VPS13D: variants seen among roughly 807,000 people sequenced by gnomAD.
The protein encoded by VPS13D is intermembrane lipid transfer protein VPS13D.
VPS13D carries 187 observed loss-of-function variants against 461.9 expected under a neutral mutation model. That is an observed-to-expected ratio of 0.40 (90% confidence interval 0.36 to 0.46). VPS13D has a LOEUF of 0.46. Among genes scored for constraint, VPS13D ranks in the 20% least tolerant of loss-of-function variants. VPS13D has a pLI of 0.60. For missense variants in VPS13D, 4,711 were observed against 5,364.9 expected, an observed-to-expected ratio of 0.88 and a Z score of 3.81; for synonymous variants, 1,951 against 1,986.3, an observed-to-expected ratio of 0.98 and a Z score of 0.47.
intron 65 of VPS13D, among the ~76,000 whole-genome samples, chr1:12,445,932 C>G (rs1056029760): frequency 6.6e-6 from 1 of 152,204 alleles, no homozygotes; most frequent in Non-Finnish European, 1.5e-5. Context: ...ATACATGACA[C>G]TTGTGTATAA....
chr1:12,297,959 A>G (rs1457477074), intron 24 of VPS13D, among the ~76,000 whole-genome samples: 3 of 152,226 alleles, frequency 2.0e-5, no homozygotes, highest in South Asian at 2.1e-4. Context: ...TTCCATTAAC[A>G]TATAACTGAA....
chr1:12,323,825 A>C, intron 35 of VPS13D, 45 bp downstream of exon 35: 1 of 1,585,404 alleles, frequency 6.3e-7, no homozygotes, highest in Non-Finnish European at 8.7e-7. Flanking sequence ...TCTTGATGAT[A>C]TGCTTCCTTC....
chr1:12,368,734 G>A (rs1288462853), intron 53 of VPS13D, 143 bp downstream of exon 53: 1 of 1,068,892 alleles, frequency 9.4e-7, no homozygotes, highest in African/African-American at 1.6e-5. Context: ...ATCTGGACAA[G>A]CCTAGAAATC....
chr1:12,483,668 C>T (rs1645754748), intron 67 of VPS13D, among the ~76,000 whole-genome samples: 1 of 152,180 alleles, frequency 6.6e-6, no homozygotes, highest in African/African-American at 2.4e-5. Context: ...AAGACCATCA[C>T]TGTGCCTACA....
rs75131903 is a variant in VPS13D, at chr1:12,482,363, C to T, written c.12663-15137C>T. On this transcript the variant is annotated intron_variant, in intron 67 of 69. Coordinates refer to ENST00000620676, the MANE Select transcript of VPS13D (RefSeq NM_015378.4). ...GTCTGCACCCAGCCTGTGCTGTATGCGGTATATGATGGTAGAAATTTGCAC... is the reference window on the plus strand; with the variant it reads ...GTCTGCACCCAGCCTGTGCTGTATGTGGTATATGATGGTAGAAATTTGCAC... Among the ~76,000 whole-genome samples, 154 of 152,274 alleles carry T rather than the reference C, an allele frequency of 1.0e-3. 1 individual carries two copies. The highest frequency in any genetic ancestry group is 3.6e-3 in the African/African-American group (148 of 41,546).
At chr1:12,257,177 C>A in intron 9 of VPS13D, 90 bp downstream of exon 9, 1 of 1,165,848 alleles carries the variant, frequency 8.6e-7, no homozygotes, top group Non-Finnish European at 1.3e-6. Context: ...CTGTCCTTTA[C>A]CCATGTTTGG....
intron 40 of VPS13D, among the ~76,000 whole-genome samples, chr1:12,340,478 G>A (rs1643544662): frequency 6.6e-6 from 1 of 152,138 alleles, no homozygotes; most frequent in African/African-American, 2.4e-5. Flanking sequence ...GAGAAAAAAG[G>A]GAGTGATTGC....
chr1:12,469,435 A>G (rs1208137401), intron 67 of VPS13D, among the ~76,000 whole-genome samples: 1 of 152,232 alleles, frequency 6.6e-6, no homozygotes, highest in Non-Finnish European at 1.5e-5. Context: ...AGCAAGACTT[A>G]AGAGATTTAC....
In VPS13D at chr1:12,283,233, C is replaced by T; in HGVS notation, c.5131C>T (p.Pro1711Ser). 1 of 1,614,118 alleles carries T rather than the reference C, an allele frequency of 6.2e-7. No homozygotes were observed. ...AQKEYLSQSC[P>S]SVSNVEYPDM... is the part of the protein sequence containing the mutation. ...AAAAGAATACCTTTCTCAGTCTTGC[C>T]CCTCAGTGTCCAATGTGGAATATCC... Residue 1711 changes from proline to serine, a missense_variant, in exon 21 of 70, where the codon CCC (proline) becomes TCC (serine). This residue lies in a region of VPS13D where 4,411 missense variants were observed against 4,937.8 expected (regional missense o/e 0.89). Transcript: ENST00000620676.
chr1:12,503,804 CG>C (rs1277175607), intron 68 of VPS13D, among the ~76,000 whole-genome samples: 1 of 152,064 alleles, frequency 6.6e-6, no homozygotes, highest in African/African-American at 2.4e-5. Flanking sequence ...GCAGGCCTTG[CG>C]GGAAGCTTGA....
chr1:12,348,383 G>A (rs552103819), intron 44 of VPS13D, among the ~76,000 whole-genome samples: 12 of 152,318 alleles, frequency 7.9e-5, no homozygotes, highest in Non-Finnish European at 1.5e-4. Flanking sequence ...CCTGCCAGTA[G>A]AGTAGAAGAC....
At chr1:12,465,233 G>C (rs1359952261) in intron 67 of VPS13D, 2 of 152,182 alleles carry the variant, frequency 1.3e-5, no homozygotes, top group Admixed American at 1.3e-4. Flanking sequence ...TGCAGACTGG[G>C]GTGCATGACA....
chr1:12,495,083 A>G lies in VPS13D; in HGVS notation c.12663-2417A>G, dbSNP rs558842931. On this transcript the variant is annotated intron_variant, in intron 67 of 69. Coordinates refer to ENST00000620676, the MANE Select transcript of VPS13D (RefSeq NM_015378.4). The surrounding 1 kb of genome is among the most constrained non-coding windows in gnomAD (Gnocchi z 4.0). ...ACATGGGAGCCAAGCAGTAAATAAC[A>G]TGTTTATCCACCTGGGATGGAAAGC... 1.3e-5 allele frequency among the ~76,000 whole-genome samples: 2 copies of G among 151,842 alleles called. No homozygotes were observed. Among genetic ancestry groups the G allele is most frequent in the Non-Finnish European group, 2.9e-5 (2 of 67,974 alleles).
At chr1:12,320,731 A>G (rs776682277) in intron 32 of VPS13D, among the ~76,000 whole-genome samples, 15 of 152,224 alleles carry the variant, frequency 9.9e-5, no homozygotes, top group Admixed American at 6.5e-5. Flanking sequence ...GTCAGGTACA[A>G]TTGGGTTTTG....
chr1:12,263,660 A>G (rs1255551807), intron 13 of VPS13D, among the ~76,000 whole-genome samples: 1 of 152,242 alleles, frequency 6.6e-6, no homozygotes, highest in African/African-American at 2.4e-5. Flanking sequence ...ATAAAACAGC[A>G]GCTTATTTGA....
At position 12,335,841 on chromosome 1, in the gene VPS13D, C is replaced by T. The variant is rs1321839166; in HGVS notation, c.8551+14C>T. The T allele has an allele frequency of 6.2e-7, 1 of 1,613,950 alleles. No individual in the cohort carries two copies. The highest frequency in any genetic ancestry group is 1.3e-5 in the African/African-American group (1 of 75,032). ...GTTTTGGACAAAGTAAGAGTTTTCA[C>T]TACATGTGTTTAACTAAATCACTTT... On this transcript the variant is annotated intron_variant, in intron 39 of 69. Transcript: ENST00000620676.
intron 7 of VPS13D, 108 bp downstream of exon 7, chr1:12,253,934 C>A: frequency 1.2e-6 from 1 of 801,728 alleles, no homozygotes; most frequent in Non-Finnish European, 2.1e-6. Context: ...CCAGTTCCCA[C>A]CCACTGTTCC....
At chr1:12,261,248 G>T in intron 12 of VPS13D, 99 bp downstream of exon 12, 1 of 1,416,160 alleles carries the variant, frequency 7.1e-7, no homozygotes, top group Non-Finnish European at 9.8e-7. Flanking sequence ...GTAGATATTT[G>T]GAGAACAGTT....
chr1:12,283,567 C>G lies in VPS13D; in HGVS notation c.5465C>G (p.Thr1822Arg). The stretch of plus-strand genomic sequence containing the variant: ...TTTAATTGCTTGGATGTGCTGATCA[C>G]ACTGCAAACCTGGGTTGTGATATTA... ...VDFNCLDVLI[T>R]LQTWVVILDF... Residue 1822 changes from threonine (T) to arginine (R), a missense_variant, in exon 21 of 70, where the codon ACA becomes AGA. Physicochemically the swap from Thr to Arg is moderately conservative, Grantham distance 71. This residue lies in a region of VPS13D where 4,411 missense variants were observed against 4,937.8 expected (regional missense o/e 0.89). Coordinates refer to ENST00000620676, the MANE Select transcript of VPS13D (RefSeq NM_015378.4). 6.2e-7 allele frequency: 1 copy of G among 1,614,234 alleles called. No homozygotes were observed. The highest frequency in any genetic ancestry group is 8.5e-7 in the Non-Finnish European group (1 of 1,180,040).
Sources: gnomAD v4.1 joint callset for allele counts (sites outside exome capture counted in the v4.1 genomes callset) on GRCh38, gnomAD v4.1.1 for gene constraint, gnomAD v4.1.1 regional missense constraint, Gnocchi (gnomAD v3.1) non-coding constraint, MANE v1.5 for transcripts, NCBI Gene and HGNC (gene_info 2026-07-23, HGNC 2026-07-21) for gene names.